LIG1: variants seen among roughly 807,000 people sequenced by gnomAD.
The protein encoded by LIG1 is DNA ligase 1.
Under a neutral mutation model 115.7 loss-of-function variants are expected in LIG1, and 70 were observed. The observed-to-expected ratio is 0.60, with a 90% CI of 0.50 to 0.74. LIG1 has a LOEUF of 0.74. Among genes scored for constraint, LIG1 ranks in the 30% least tolerant of loss-of-function variants. The pLI is 0.00. For missense variants in LIG1, 1,115 were observed against 1,225.6 expected (o/e 0.91, Z 1.35); for synonymous variants, 487 against 495.3 (o/e 0.98, Z 0.22).
At chr19:48,120,865 C>T in intron 24 of LIG1, 1 of 998,402 alleles carries the variant, frequency 1.0e-6, no homozygotes, top group Non-Finnish European at 1.3e-6. Context: ...TGGCATCAGA[C>T]TGCCCCCTCC....
Position 48,115,618 on chromosome 19 carries a change from C to A in LIG1, c.*31G>T. 2.6e-6 allele frequency: 4 copies of A among 1,511,666 alleles called. No homozygotes were observed. Among genetic ancestry groups the A allele is most frequent in the Non-Finnish European group, 3.7e-6 (4 of 1,086,812 alleles). 93.6% of individuals were successfully genotyped at this position (1,511,666 alleles called of 1,614,324 possible). On this transcript the variant is annotated 3_prime_UTR_variant, in exon 28 of 28. Transcript: ENST00000263274. ...AACCCTGGGGTCCGTCCAACTCATG[C>A]CCTGTACCCAGGCCCTAGGAGGGCG...
chr19:48,140,942 ACT>A (rs1214641517), intron 11 of LIG1, among the ~76,000 whole-genome samples: 48 of 151,854 alleles, frequency 3.2e-4, no homozygotes, highest in African/African-American at 1.1e-3. Flanking sequence ...TGCGGGAATG[ACT>A]CTTTCTCCAC....
Position 48,133,100 on chromosome 19 carries a change from G to C in LIG1, c.1610-3C>G, listed in dbSNP as rs762044759. The C allele has an allele frequency of 1.1e-5, 18 of 1,591,146 alleles. No individual in the cohort carries two copies. Among genetic ancestry groups the C allele is most frequent in the Admixed American group, 3.3e-5 (2 of 59,984 alleles). On this transcript the variant is annotated splice_region_variant and splice_polypyrimidine_tract_variant and intron_variant, in intron 17 of 27. Transcript: ENST00000263274. The stretch of plus-strand genomic sequence containing the variant: ...CAACATTGGTTTCAGGGGAATCCCT[G>C]GGAAAGGAGGAGAGTGAGTTAGAGG...
chr19:48,162,707 C>T (rs527928269), intron 2 of LIG1, among the ~76,000 whole-genome samples: 3 of 152,194 alleles, frequency 2.0e-5, no homozygotes, highest in East Asian at 3.9e-4. Flanking sequence ...GGATTACAGG[C>T]ATAAGCCACC....
At chr19:48,156,423 T>A (rs1479045705) in intron 5 of LIG1, among the ~76,000 whole-genome samples, 1 of 152,218 alleles carries the variant, frequency 6.6e-6, no homozygotes, top group East Asian at 1.9e-4. Flanking sequence ...CTGGGCCCAG[T>A]TCTGAGCAGC....
intron 14 of LIG1, among the ~76,000 whole-genome samples, chr19:48,136,392 T>C (rs1015474685): frequency 6.6e-6 from 1 of 152,142 alleles, no homozygotes; most frequent in Admixed American, 6.5e-5. Flanking sequence ...TCAGCTGCCC[T>C]GAGGGGTTGG....
Position 48,122,506 on chromosome 19 carries a change from C to T in LIG1, c.2232+428G>A, listed in dbSNP as rs2033357334. On this transcript the variant is annotated intron_variant, in intron 23 of 27. Transcript: ENST00000263274. The surrounding 1 kb of genome is among the most constrained non-coding windows in gnomAD (Gnocchi z 4.3). Reference sequence around the variant, plus strand: ...TTCCTCCCTAGTGCTCTGTCCCTCACTTTGGGAAAGACTCTTCCTGATCAT... The same window carrying T: ...TTCCTCCCTAGTGCTCTGTCCCTCATTTTGGGAAAGACTCTTCCTGATCAT... The T allele has an allele frequency of 3.1e-6, 1 of 317,840 alleles. No individual in the cohort carries two copies. The highest frequency in any genetic ancestry group is 2.2e-5 in the African/African-American group (1 of 46,360). 19.7% of individuals were successfully genotyped at this position (317,840 alleles called of 1,614,324 possible). A position where few individuals can be genotyped will look rare whatever the true frequency, so the allele number is the denominator to read the frequency against.
chr19:48,128,051 G>C (rs759354280), intron 19 of LIG1, 31 bp from the exon 20 acceptor site: 14 of 1,545,716 alleles, frequency 9.1e-6, no homozygotes, highest in East Asian at 4.5e-5. Context: ...CCCAGGGCCT[G>C]AGAGAGGTGG....
rs892161050 is a variant in LIG1, at chr19:48,137,430, C to T, written c.1254+92G>A. The stretch of plus-strand genomic sequence containing the variant: ...CATGAGAAGGACTGATGCGACCCAG[C>T]TGATGGTCTACCCAGAAGCCTTCCT... On this transcript the variant is annotated intron_variant, in intron 13 of 27. Coordinates refer to ENST00000263274, the MANE Select transcript of LIG1 (RefSeq NM_000234.3). This position sits in a 1 kb window ranked among gnomAD's most constrained non-coding sequence, Gnocchi z 4.3. 3 of 1,511,692 alleles carry T rather than the reference C, an allele frequency of 2.0e-6. No individual in the cohort carries two copies. The highest frequency in any genetic ancestry group is 1.8e-5 in the Admixed American group (1 of 55,172). The allele number at this position is 1,511,692 out of a possible 1,614,324, so 93.6% of individuals were successfully genotyped here.
Position 48,137,577 on chromosome 19 carries a change from G to C in LIG1, c.1199C>G (p.Thr400Ser). 6.2e-7 allele frequency: 1 copy of C among 1,613,494 alleles called. No individual in the cohort carries two copies. Among genetic ancestry groups the C allele is most frequent in the Non-Finnish European group, 8.5e-7 (1 of 1,180,010 alleles). The change falls in exon 13 of 28, where the codon ACT becomes AGT. Residue 400 changes from threonine to serine, a missense_variant. Physicochemically the swap from Thr to Ser is moderately conservative, Grantham distance 58. Coordinates refer to ENST00000263274, the MANE Select transcript of LIG1 (RefSeq NM_000234.3). The surrounding 1 kb of genome is among the most constrained non-coding windows in gnomAD (Gnocchi z 4.3). Reference protein sequence around the residue: ...QRLMLPPPPLTASGVFSKFRD... With the variant: ...QRLMLPPPPLSASGVFSKFRD... ...GAACTTGCTGAAGACCCCGGAGGCA[G>C]TGAGCGGAGGTGGTGGCAGCATGAG...
At chr19:48,134,168 C>T in intron 16 of LIG1, 102 bp from the exon 17 acceptor site, 3 of 1,031,508 alleles carry the variant, frequency 2.9e-6, no homozygotes, top group South Asian at 1.4e-5. Context: ...CTCCTGGATG[C>T]CTCTGCCCAC....
rs556229956 is a variant in LIG1, at chr19:48,155,572, C to T, written c.370+1442G>A. ...GTACCCTGCGTCACCCAGCATCGTC[C>T]GATGGAAAGATCTGGCAAGCCACGT... On this transcript the variant is annotated intron_variant, in intron 5 of 27. Coordinates refer to ENST00000263274, the MANE Select transcript of LIG1 (RefSeq NM_000234.3). 9.9e-4 allele frequency among the ~76,000 whole-genome samples: 150 copies of T among 152,212 alleles called. 1 individual carries two copies. The highest frequency in any genetic ancestry group is 1.8e-3 in the Non-Finnish European group (122 of 68,022).
intron 1 of LIG1, among the ~76,000 whole-genome samples, chr19:48,168,371 T>C (rs1402261208): frequency 6.6e-6 from 1 of 152,130 alleles, no homozygotes; most frequent in African/African-American, 2.4e-5. Flanking sequence ...AGGCAAGGCT[T>C]CAAAACCCGG....
At chr19:48,149,661 A>G in intron 9 of LIG1, 102 bp downstream of exon 9, 1 of 898,064 alleles carries the variant, frequency 1.1e-6, no homozygotes, top group Non-Finnish European at 1.8e-6. Context: ...AGGTTTGCCA[A>G]GTCCTGCAAG....
intron 1 of LIG1, among the ~76,000 whole-genome samples, chr19:48,166,521 A>AT (rs1381240486): frequency 5.9e-5 from 9 of 152,244 alleles, no homozygotes; most frequent in Admixed American, 3.9e-4. Flanking sequence ...CTGGAGGGAG[A>AT]TTTTTTAATA....
chr19:48,140,539 C>T (rs1490532630), intron 11 of LIG1, among the ~76,000 whole-genome samples: 2 of 152,138 alleles, frequency 1.3e-5, no homozygotes, highest in Non-Finnish European at 2.9e-5. Flanking sequence ...GCCTAAGGAC[C>T]TGCCTTCGCA....
intron 15 of LIG1, 86 bp downstream of exon 15, chr19:48,135,948 A>C (rs2034357590): frequency 1.0e-6 from 1 of 959,358 alleles, no homozygotes; most frequent in East Asian, 3.4e-5. Context: ...CCGCTGGGGA[A>C]GGGGCGGGCA....
At chr19:48,165,430 C>A in intron 2 of LIG1, 120 bp downstream of exon 2, 1 of 853,840 alleles carries the variant, frequency 1.2e-6, no homozygotes, top group South Asian at 1.4e-5. Context: ...CCTGGAAATT[C>A]CAACTCAAAA....
Position 48,122,811 on chromosome 19 carries a change from G to A in LIG1, c.2232+123C>T. 1.1e-6 allele frequency: 1 copy of A among 893,100 alleles called. No individual in the cohort carries two copies. The highest frequency in any genetic ancestry group is 1.9e-6 in the Non-Finnish European group (1 of 524,182). 55.3% of individuals were successfully genotyped at this position (893,100 alleles called of 1,614,324 possible). A position where few individuals can be genotyped will look rare whatever the true frequency, so the allele number is the denominator to read the frequency against. Reference sequence around the variant, plus strand: ...TCAGTTGCAGCAGGGGGCTGGGGTGGGATTGTGAAAAGGGGCCCTGAGCTC... The same window carrying A: ...TCAGTTGCAGCAGGGGGCTGGGGTGAGATTGTGAAAAGGGGCCCTGAGCTC... On this transcript the variant is annotated intron_variant, in intron 23 of 27. Transcript: ENST00000263274. This position sits in a 1 kb window ranked among gnomAD's most constrained non-coding sequence, Gnocchi z 4.3.
Sources: allele counts gnomAD v4.1 joint callset (sites outside exome capture counted in the v4.1 genomes callset), GRCh38; gene constraint gnomAD v4.1.1; non-coding constraint Gnocchi (gnomAD v3.1); transcripts MANE v1.5; gene names NCBI Gene and HGNC (gene_info 2026-07-23, HGNC 2026-07-21).